Variants in PRL observed in about 807,000 individuals in gnomAD.
PRL encodes prolactin.
In PRL, 24 loss-of-function variants were observed where a neutral mutation model predicts 21.3. The observed-to-expected ratio is 1.13, with a 90% CI of 0.82 to 1.59. The LOEUF is 1.59. PRL is among the 40% of genes most tolerant of loss of function. The probability of loss-of-function intolerance (pLI) is 0.00; values close to 1 mark genes in which losing one functional copy is unlikely to be tolerated. For missense variants in PRL, 243 were observed against 286.9 expected (o/e 0.85, Z 1.10); for synonymous variants, 118 against 115.7 (o/e 1.02, Z -0.13).
Position 22,288,379 on chromosome 6 carries a change from A to G in PRL, c.493-786T>C, listed in dbSNP as rs1760969172. Among the ~76,000 whole-genome samples, 1 of 152,192 alleles carries G rather than the reference A, an allele frequency of 6.6e-6. No homozygotes were observed. The highest frequency in any genetic ancestry group is 2.4e-5 in the African/African-American group (1 of 41,532). ...TGAAATCCCATCTCTACAAAAACAT[A>G]CAAAAATCAGCCGTGCCTATTGGTG... On this transcript the variant is annotated intron_variant, in intron 4 of 4. Transcript: ENST00000306482. This position sits in a 1 kb window ranked among gnomAD's most constrained non-coding sequence, Gnocchi z 4.5.
upstream of PRL, among the ~76,000 whole-genome samples, chr6:22,301,412 T>C (rs766244957): frequency 5.9e-5 from 9 of 152,290 alleles, no homozygotes; most frequent in Middle Eastern, 3.4e-3. Context: ...TAGGCATTGA[T>C]GTTTTTATTG....
At chr6:22,293,231 C>T (rs1398986971) in intron 2 of PRL, among the ~76,000 whole-genome samples, 1 of 151,990 alleles carries the variant, frequency 6.6e-6, no homozygotes, top group African/African-American at 2.4e-5. Context: ...AAACACAGGG[C>T]ACACAATTTT....
intron 1 of PRL, 63 bp downstream of exon 1, chr6:22,296,892 T>C: frequency 6.5e-7 from 1 of 1,547,754 alleles, no homozygotes; most frequent in Non-Finnish European, 8.8e-7. Context: ...AGTTAAAATT[T>C]CACATTAATC....
At chr6:22,296,615 T>G (rs918970771) in intron 1 of PRL, among the ~76,000 whole-genome samples, 1 of 152,224 alleles carries the variant, frequency 6.6e-6, no homozygotes, top group Non-Finnish European at 1.5e-5. Context: ...GAATAATTCC[T>G]TGTTCTGGGG....
Position 22,288,535 on chromosome 6 carries a change from A to G in PRL, c.493-942T>C, listed in dbSNP as rs1056007749. ...AGGTGACACAGTGAGAACTTGTCTA[A>G]AAAAAAAAAGGTCAGGGGGTTGCTG... On this transcript the variant is annotated intron_variant, in intron 4 of 4. Transcript: ENST00000306482. This position sits in a 1 kb window ranked among gnomAD's most constrained non-coding sequence, Gnocchi z 4.5. Among the ~76,000 whole-genome samples the G allele has an allele frequency of 6.7e-6, 1 of 148,660 alleles. No individual in the cohort carries two copies. Among genetic ancestry groups the G allele is most frequent in the African/African-American group, 2.5e-5 (1 of 40,508 alleles).
upstream of PRL, chr6:22,297,448 A>T (rs1761202210): frequency 6.4e-6 from 1 of 155,318 alleles, no homozygotes; most frequent in Non-Finnish European, 1.4e-5. Flanking sequence ...CAAGATTGCT[A>T]GGTAAAGATT....
chr6:22,296,378 T>C (rs948989722), intron 1 of PRL, among the ~76,000 whole-genome samples: 7 of 152,240 alleles, frequency 4.6e-5, no homozygotes, highest in African/African-American at 1.7e-4. Context: ...TTGAACCAAA[T>C]TGACAAAGAA....
chr6:22,296,500 G>A (rs564232775), intron 1 of PRL, among the ~76,000 whole-genome samples: 3 of 152,188 alleles, frequency 2.0e-5, no homozygotes, highest in Non-Finnish European at 4.4e-5. Context: ...ACCAGAAAAT[G>A]TTACTTTGTC....
At chr6:22,295,031 C>A (rs1220901569) in intron 1 of PRL, among the ~76,000 whole-genome samples, 1 of 152,028 alleles carries the variant, frequency 6.6e-6, no homozygotes, top group Non-Finnish European at 1.5e-5. Context: ...AAAAACAGTA[C>A]AGTCGATCCT....
At chr6:22,300,618 T>G (rs1761266523), upstream of PRL, among the ~76,000 whole-genome samples, 2 of 152,266 alleles carry the variant, frequency 1.3e-5, no homozygotes, top group Admixed American at 1.3e-4. Context: ...TAAAGTTTTT[T>G]CTTTTAACAA....
At chr6:22,295,441 A>G (rs144174121) in intron 1 of PRL, among the ~76,000 whole-genome samples, 1 of 152,306 alleles carries the variant, frequency 6.6e-6, no homozygotes, top group Non-Finnish European at 1.5e-5. Context: ...CCGCATGAGT[A>G]GCCGTGATGG....
In PRL at chr6:22,287,409, T is replaced by G; in HGVS notation, c.677A>C (p.Asn226Thr). ...LLKCRIIHNN[N>T]C ...GATGAAATGGATGTGGGCTTAGCAGTTGTTGTTGTGGATGATTCGGCACTT... is the reference window on the plus strand; with the variant it reads ...GATGAAATGGATGTGGGCTTAGCAGGTGTTGTTGTGGATGATTCGGCACTT... The change falls in exon 5 of 5, where the codon AAC becomes ACC. Residue 226 changes from asparagine to threonine, a missense_variant. By Grantham distance (65) the Asn-to-Thr change is moderately conservative. Coordinates refer to ENST00000306482, the MANE Select transcript of PRL (RefSeq NM_000948.6). The G allele has an allele frequency of 1.2e-6, 2 of 1,611,858 alleles. No homozygotes were observed. Among genetic ancestry groups the G allele is most frequent in the Non-Finnish European group, 1.7e-6 (2 of 1,178,340 alleles).
chr6:22,289,216 G>T (rs1260560657), intron 4 of PRL, among the ~76,000 whole-genome samples: 1 of 152,088 alleles, frequency 6.6e-6, no homozygotes, highest in Non-Finnish European at 1.5e-5. Flanking sequence ...AATGTGCTTT[G>T]TGTTTGTTTT....
chr6:22,301,013 A>G (rs1761273226), upstream of PRL, among the ~76,000 whole-genome samples: 1 of 152,210 alleles, frequency 6.6e-6, no homozygotes, highest in Non-Finnish European at 1.5e-5. Context: ...ACTCTTTGAG[A>G]GTTATGTTTT....
chr6:22,301,471 G>T (rs1476260099), upstream of PRL, among the ~76,000 whole-genome samples: 2 of 152,142 alleles, frequency 1.3e-5, no homozygotes, highest in African/African-American at 2.4e-5. Flanking sequence ...GGGGCTGGGG[G>T]AGTCTAGAGG....
At chr6:22,300,308 T>C (rs950488405), upstream of PRL, among the ~76,000 whole-genome samples, 1 of 152,224 alleles carries the variant, frequency 6.6e-6, no homozygotes, top group Non-Finnish European at 1.5e-5. Flanking sequence ...ACTTAGTATG[T>C]AAACAAACTG....
At chr6:22,299,616 G>A (rs1462824346), upstream of PRL, among the ~76,000 whole-genome samples, 1 of 152,168 alleles carries the variant, frequency 6.6e-6, no homozygotes, top group Non-Finnish European at 1.5e-5. Flanking sequence ...TGAGGCAGGA[G>A]GATCAAGAGA....
intron 3 of PRL, 84 bp from the exon 4 acceptor site, chr6:22,290,437 G>C: frequency 8.8e-7 from 1 of 1,134,326 alleles, no homozygotes; most frequent in East Asian, 2.6e-5. Context: ...TAGAGAGGCT[G>C]TACTGAAATA....
At chr6:22,287,918 C>T (rs1160714733) in intron 4 of PRL, among the ~76,000 whole-genome samples, 2 of 152,148 alleles carry the variant, frequency 1.3e-5, no homozygotes, top group South Asian at 2.1e-4. Flanking sequence ...TAGCTAGCTT[C>T]GGTGCTCTCA....
Sources: gnomAD v4.1 joint callset for allele counts (sites outside exome capture counted in the v4.1 genomes callset) on GRCh38, gnomAD v4.1.1 for gene constraint, Gnocchi (gnomAD v3.1) non-coding constraint, MANE v1.5 for transcripts, NCBI Gene and HGNC (gene_info 2026-07-23, HGNC 2026-07-21) for gene names.